Variants in ARHGAP28 observed in about 807,000 individuals in gnomAD.
The protein encoded by ARHGAP28 is Rho GTPase activating protein 28, also known as rho GTPase-activating protein 28.
Under a neutral mutation model 90.7 loss-of-function variants are expected in ARHGAP28, and 56 were observed. The ratio of observed to expected loss-of-function variants is 0.62; its 90% CI spans 0.50 to 0.77. The LOEUF (loss-of-function observed/expected upper bound fraction) is 0.77. Ranked by LOEUF, ARHGAP28 falls within the 30% of genes least tolerant of loss-of-function variation. The probability of loss-of-function intolerance (pLI) is 0.00; values close to 1 mark genes in which losing one functional copy is unlikely to be tolerated. For synonymous variants in ARHGAP28, 308 were observed against 323.3 expected, an observed-to-expected ratio of 0.95 and a Z score of 0.51; for missense variants, 869 against 900.9, an observed-to-expected ratio of 0.96 and a Z score of 0.45.
At chr18:6,737,721 G>T (rs1362329563) in intron 1 of ARHGAP28, among the ~76,000 whole-genome samples, 4 of 152,022 alleles carry the variant, frequency 2.6e-5, no homozygotes, top group Non-Finnish European at 5.9e-5. Flanking sequence ...ATTTCTTTGT[G>T]ATTACTCTAG....
intron 1 of ARHGAP28, among the ~76,000 whole-genome samples, chr18:6,739,947 C>G (rs1282169502): frequency 6.6e-6 from 1 of 151,610 alleles, no homozygotes; most frequent in East Asian, 1.9e-4. Flanking sequence ...TTCCACCTCC[C>G]AGGTTCAAGC....
At chr18:6,769,214 A>C (rs1265631876) in intron 1 of ARHGAP28, among the ~76,000 whole-genome samples, 2 of 151,864 alleles carry the variant, frequency 1.3e-5, no homozygotes, top group Non-Finnish European at 2.9e-5. Flanking sequence ...CCAGATAGGA[A>C]GGGGGTCTGA....
At chr18:6,835,756 A>G (rs949039015) in intron 2 of ARHGAP28, among the ~76,000 whole-genome samples, 6 of 152,206 alleles carry the variant, frequency 3.9e-5, no homozygotes, top group Non-Finnish European at 4.4e-5. Flanking sequence ...TTCTTCTGAA[A>G]AAAAGAGATT....
chr18:6,889,376 T>G (rs538889123), intron 12 of ARHGAP28, among the ~76,000 whole-genome samples: 37 of 152,322 alleles, frequency 2.4e-4, no homozygotes, highest in African/African-American at 8.9e-4. Context: ...TTCAATTTTT[T>G]TATTGTTTAG....
intron 3 of ARHGAP28, among the ~76,000 whole-genome samples, chr18:6,839,995 G>A (rs948809885): frequency 2.8e-4 from 43 of 152,134 alleles, no homozygotes; most frequent in African/African-American, 7.0e-4. Context: ...ATGTTCTGCT[G>A]GGTTCTAGCT....
chr18:6,841,989 C>G (rs1381676539), intron 3 of ARHGAP28, among the ~76,000 whole-genome samples: 7 of 152,188 alleles, frequency 4.6e-5, no homozygotes, highest in Non-Finnish European at 1.0e-4. Context: ...CTCTGTGTCT[C>G]TTAAATGTTC....
At chr18:6,751,650 C>T (rs2056070637) in intron 1 of ARHGAP28, among the ~76,000 whole-genome samples, 1 of 152,112 alleles carries the variant, frequency 6.6e-6, no homozygotes, top group South Asian at 2.1e-4. Context: ...AAATATTGTC[C>T]CACTTGTGGG....
At chr18:6,878,404 G>A (rs567519822) in intron 10 of ARHGAP28, among the ~76,000 whole-genome samples, 1 of 150,832 alleles carries the variant, frequency 6.6e-6, no homozygotes, top group Non-Finnish European at 1.5e-5. Flanking sequence ...TAGATGATGA[G>A]TTAGTGGGTG....
intron 1 of ARHGAP28, among the ~76,000 whole-genome samples, chr18:6,792,818 A>G (rs780818335): frequency 2.0e-5 from 3 of 152,156 alleles, no homozygotes; most frequent in Non-Finnish European, 4.4e-5. Flanking sequence ...CCTCAGAACT[A>G]TAGGTTCTTA....
At chr18:6,863,157 A>G (rs2057011382) in intron 5 of ARHGAP28, among the ~76,000 whole-genome samples, 1 of 152,080 alleles carries the variant, frequency 6.6e-6, no homozygotes, top group South Asian at 2.1e-4. Flanking sequence ...ATCACTTATA[A>G]CATTGATTAA....
chr18:6,914,055 C>G lies in ARHGAP28; in HGVS notation c.*1901C>G, dbSNP rs1431387. 123,103 of 152,076 alleles carry G rather than the reference C, an allele frequency of 0.81. 50,119 individuals are homozygous for G. The highest frequency in any genetic ancestry group is 0.86 in the Non-Finnish European group (58,405 of 67,992). The allele number at this position is 152,076 out of a possible 1,614,324, so 9.4% of individuals were successfully genotyped here. A position where few individuals can be genotyped will look rare whatever the true frequency, so the allele number is the denominator to read the frequency against. On this transcript the variant is annotated 3_prime_UTR_variant, in exon 18 of 18. Transcript: ENST00000383472. Reference sequence around the variant, plus strand: ...CTGAATGATATTTCTCAGTGTATTTCCTTGCATTTGAATGGTTCAATTCTG... The same window carrying G: ...CTGAATGATATTTCTCAGTGTATTTGCTTGCATTTGAATGGTTCAATTCTG...
chr18:6,826,020 A>G (rs1203344355), intron 2 of ARHGAP28, among the ~76,000 whole-genome samples: 1 of 152,050 alleles, frequency 6.6e-6, no homozygotes, highest in Admixed American at 6.5e-5. Context: ...AAGTTCTTTG[A>G]GAAATCTCCA....
intron 3 of ARHGAP28, among the ~76,000 whole-genome samples, chr18:6,840,743 G>C (rs2056801122): frequency 6.6e-6 from 1 of 152,150 alleles, no homozygotes; most frequent in African/African-American, 2.4e-5. Context: ...AAGTGGGTGG[G>C]CACAGGAGAA....
chr18:6,809,682 G>A lies in ARHGAP28; in HGVS notation c.123-15080G>A, dbSNP rs139313231. 4.3e-3 allele frequency among the ~76,000 whole-genome samples: 656 copies of A among 152,210 alleles called. 6 individuals are homozygous for A. Among genetic ancestry groups the A allele is most frequent in the African/African-American group, 0.015 (639 of 41,532 alleles). Reference sequence around the variant, plus strand: ...AACTCTATCATGAAACATCGCTAGGGAGACTAAACTATTAGGGGTGCTAAA... The same window carrying A: ...AACTCTATCATGAAACATCGCTAGGAAGACTAAACTATTAGGGGTGCTAAA... On this transcript the variant is annotated intron_variant, in intron 1 of 17. Coordinates refer to ENST00000383472, the MANE Select transcript of ARHGAP28 (RefSeq NM_001366230.1).
At chr18:6,908,809 A>AT in intron 16 of ARHGAP28, 151 bp from the exon 17 acceptor site, 1 of 608,976 alleles carries the variant, frequency 1.6e-6, no homozygotes, top group South Asian at 1.9e-5. Flanking sequence ...AAAAACAATT[A>AT]TTTTTATCAT....
intron 1 of ARHGAP28, among the ~76,000 whole-genome samples, chr18:6,786,839 C>G (rs1567947173): frequency 6.6e-6 from 1 of 151,992 alleles, no homozygotes; most frequent in Non-Finnish European, 1.5e-5. Flanking sequence ...CAGAGCTCAG[C>G]TTCTTACCAG....
At chr18:6,841,198 T>TC (rs1456810773) in intron 3 of ARHGAP28, among the ~76,000 whole-genome samples, 61 of 64,690 alleles carry the variant, frequency 9.4e-4, no homozygotes, top group Middle Eastern at 0.013. Context: ...TCTCTCTCTC[T>TC]CTCTCCTCTC....
chr18:6,807,290 A>T (rs566746108), intron 1 of ARHGAP28, among the ~76,000 whole-genome samples: 1 of 152,330 alleles, frequency 6.6e-6, no homozygotes, highest in South Asian at 2.1e-4. Context: ...ACCTGTCATT[A>T]CAAGGTTCAT....
At chr18:6,739,793 T>A (rs1457692575) in intron 1 of ARHGAP28, among the ~76,000 whole-genome samples, 1 of 152,036 alleles carries the variant, frequency 6.6e-6, no homozygotes, top group Non-Finnish European at 1.5e-5. Context: ...TAAAATATAT[T>A]TCTATAGTTA....
Sources: gnomAD v4.1 joint callset for allele counts (sites outside exome capture counted in the v4.1 genomes callset) on GRCh38, gnomAD v4.1.1 for gene constraint, MANE v1.5 for transcripts, NCBI Gene and HGNC (gene_info 2026-07-23, HGNC 2026-07-21) for gene names.